SLC45A4: variants seen among roughly 807,000 people sequenced by gnomAD.
SLC45A4 encodes polyamine-transporter SLC45A4.
Under a neutral mutation model 63.7 loss-of-function variants are expected in SLC45A4, and 32 were observed. The ratio of observed to expected loss-of-function variants is 0.50; its 90% CI spans 0.38 to 0.67. The LOEUF is 0.67. SLC45A4 is among the 30% of genes least tolerant of loss of function. The probability of loss-of-function intolerance (pLI) is 0.00; values close to 1 mark genes in which losing one functional copy is unlikely to be tolerated. For missense variants in SLC45A4, 1,027 were observed against 1,157.7 expected (o/e 0.89, Z 1.64); for synonymous variants, 535 against 510.0 (o/e 1.05, Z -0.66).
intron 1 of SLC45A4, among the ~76,000 whole-genome samples, chr8:141,277,978 G>C (rs1829795231): frequency 1.3e-5 from 2 of 152,302 alleles, no homozygotes; most frequent in South Asian, 4.1e-4. Flanking sequence ...TGCAATCATA[G>C]CTCACTGGTG....
At chr8:141,249,343 GA>G (rs1221567621) in intron 2 of SLC45A4, among the ~76,000 whole-genome samples, 1 of 152,218 alleles carries the variant, frequency 6.6e-6, no homozygotes, top group African/African-American at 2.4e-5. Context: ...CCTGATGAAT[GA>G]AAACAAATGA....
intron 1 of SLC45A4, among the ~76,000 whole-genome samples, chr8:141,255,258 A>G (rs946789862): frequency 1.3e-5 from 2 of 149,228 alleles, no homozygotes; most frequent in African/African-American, 5.2e-5. Context: ...CACCCAGCTA[A>G]TTTTTCTAGG....
intron 1 of SLC45A4, among the ~76,000 whole-genome samples, chr8:141,289,562 GT>G (rs1235218107): frequency 6.6e-6 from 1 of 152,190 alleles, no homozygotes; most frequent in African/African-American, 2.4e-5. Context: ...GTATGACTGG[GT>G]TTTCCTTGGG....
Position 141,218,396 on chromosome 8 carries a change from C to T in SLC45A4, c.1244G>A (p.Arg415Gln), listed in dbSNP as rs1399293594. 5.6e-6 allele frequency: 9 copies of T among 1,608,906 alleles called. No individual in the cohort carries two copies. Among genetic ancestry groups the T allele is most frequent in the Admixed American group, 3.3e-5 (2 of 59,970 alleles). ...PSATSSSMRR[R>Q]RHAFRRQASS... is the part of the protein sequence containing the mutation. ...GGCCTGCCTGCGGAACGCGTGCCGC[C>T]GCCGCCGCATGGAGCTCGACGTGGC... Residue 415 changes from arginine to glutamine, a missense_variant, in exon 5 of 9, where the codon CGG (arginine) becomes CAG (glutamine). By Grantham distance (43) the Arg-to-Gln change is conservative. Coordinates refer to ENST00000517878, the MANE Select transcript of SLC45A4 (RefSeq NM_001286646.2).
rs750165409 is a variant in SLC45A4 at position 141,218,405 on chromosome 8, A to G, written c.1235T>C (p.Met412Thr). The G allele has an allele frequency of 6.2e-7, 1 of 1,610,300 alleles. No individual in the cohort carries two copies. The highest frequency in any genetic ancestry group is 1.1e-5 in the South Asian group (1 of 91,078). ...DTKPSATSSS[M>T]RRRRHAFRRQ... ...GCGGAACGCGTGCCGCCGCCGCCGCATGGAGCTCGACGTGGCCGAGGGCTT... is the reference window on the plus strand; with the variant it reads ...GCGGAACGCGTGCCGCCGCCGCCGCGTGGAGCTCGACGTGGCCGAGGGCTT... The change falls in exon 5 of 9, where the codon ATG (methionine) becomes ACG (threonine). Residue 412 changes from methionine to threonine, a missense_variant. Coordinates refer to ENST00000517878, the MANE Select transcript of SLC45A4 (RefSeq NM_001286646.2).
At chr8:141,237,169 G>A (rs957855870) in intron 2 of SLC45A4, among the ~76,000 whole-genome samples, 2 of 152,154 alleles carry the variant, frequency 1.3e-5, no homozygotes, top group East Asian at 3.8e-4. Flanking sequence ...AAAAACTACT[G>A]TTACTTTACC....
chr8:141,219,791 C>T lies in SLC45A4; in HGVS notation c.469G>A (p.Gly157Ser), dbSNP rs1479791677. 18 of 1,596,160 alleles carry T rather than the reference C, an allele frequency of 1.1e-5. No homozygotes were observed. Among genetic ancestry groups the T allele is most frequent in the Middle Eastern group, 1.7e-4 (1 of 6,036 alleles). ...LGDVPNRQPI[G>S]IVLTVLGVVV... ...ACTCCCAGCACCGTGAGCACGATGCCAATGGGCTGCCGGTTGGGGACATCG... is the reference window on the plus strand; with the variant it reads ...ACTCCCAGCACCGTGAGCACGATGCTAATGGGCTGCCGGTTGGGGACATCG... Residue 157 changes from glycine to serine, a missense_variant, in exon 4 of 9, where the codon GGC (glycine) becomes AGC (serine). Physicochemically the swap from Gly to Ser is moderately conservative, Grantham distance 56. Transcript: ENST00000517878.
chr8:141,278,583 G>A lies in SLC45A4; in HGVS notation c.-400-23954C>T, dbSNP rs1402605568. 2.0e-5 allele frequency among the ~76,000 whole-genome samples: 3 copies of A among 152,186 alleles called. No homozygotes were observed. Among genetic ancestry groups the A allele is most frequent in the African/African-American group, 2.4e-5 (1 of 41,422 alleles). On this transcript the variant is annotated intron_variant, in intron 1 of 8. Transcript: ENST00000517878. This position sits in a 1 kb window ranked among gnomAD's most constrained non-coding sequence, Gnocchi z 4.1. The stretch of plus-strand genomic sequence containing the variant: ...TGCAGTGGAGGTGGGGCGGGCAGCC[G>A]AAGGAGAGACAGGCCTCTGCCCCCT...
At position 141,212,285 on chromosome 8, in the gene SLC45A4, C is replaced by T; in HGVS notation, c.2213G>A (p.Gly738Asp). 6.2e-7 allele frequency: 1 copy of T among 1,606,274 alleles called. No individual in the cohort carries two copies. The highest frequency in any genetic ancestry group is 8.5e-7 in the Non-Finnish European group (1 of 1,175,094). ...KGLSSPLAGE[G>D]RAGGNSEKPT... ...CTTTTCGCTGTTCCCACCGGCCCTG[C>T]CTTCGCCGGCCAACGGGGAAGACAG... is the stretch of plus-strand genomic sequence containing the variant. Residue 738 changes from glycine to aspartate, a missense_variant, in exon 8 of 9, where the codon GGC (glycine) becomes GAC (aspartate). Physicochemically the swap from Gly to Asp is moderately conservative, Grantham distance 94. Coordinates refer to ENST00000517878, the MANE Select transcript of SLC45A4 (RefSeq NM_001286646.2).
intron 1 of SLC45A4, among the ~76,000 whole-genome samples, chr8:141,303,470 G>A (rs570799453): frequency 6.6e-6 from 1 of 152,004 alleles, no homozygotes; most frequent in Non-Finnish European, 1.5e-5. Context: ...TGCAATAAGG[G>A]TCATATATAA....
At chr8:141,222,670 G>A (rs1408168499) in intron 2 of SLC45A4, among the ~76,000 whole-genome samples, 1 of 152,248 alleles carries the variant, frequency 6.6e-6, no homozygotes, top group Non-Finnish European at 1.5e-5. Context: ...GCACGGGAAC[G>A]AGCGGCCGCC....
At chr8:141,217,252 T>C in intron 5 of SLC45A4, 63 bp from the exon 6 acceptor site, 2 of 1,540,924 alleles carry the variant, frequency 1.3e-6, no homozygotes, top group East Asian at 4.5e-5. Context: ...GCCAGGAGCG[T>C]ATTTCCCATG....
chr8:141,217,112 G>A lies in SLC45A4; in HGVS notation c.1707C>T (p.Ala569=), dbSNP rs144829418. The A allele has an allele frequency of 2.8e-4, 455 of 1,613,968 alleles. No homozygotes were observed. In the African/African-American group the frequency reaches 3.4e-3, roughly 12 times the overall value. Reference sequence around the variant, plus strand: ...TACCTGAACAAATAGCACCAGTGGCGGCATAAATGACCAGGCCCCAGCAGC... The same window carrying A: ...TACCTGAACAAATAGCACCAGTGGCAGCATAAATGACCAGGCCCCAGCAGC... ...KMGCWGLVIY[A]ATGAICSALL... Residue 569 remains alanine, a synonymous_variant, in exon 6 of 9, where the codon GCC becomes GCT. Transcript: ENST00000517878.
At chr8:141,231,829 G>A (rs1340098417) in intron 2 of SLC45A4, among the ~76,000 whole-genome samples, 2 of 152,198 alleles carry the variant, frequency 1.3e-5, no homozygotes, top group African/African-American at 2.4e-5. Context: ...CTGTGTGCGC[G>A]AAGGCCCAGT....
chr8:141,281,660 G>A (rs760491538), intron 1 of SLC45A4, among the ~76,000 whole-genome samples: 33 of 152,326 alleles, frequency 2.2e-4, no homozygotes, highest in Middle Eastern at 6.8e-3. Flanking sequence ...CACAGACTCA[G>A]CCTGAAAGAG....
chr8:141,299,184 G>A (rs1055589215), intron 1 of SLC45A4, among the ~76,000 whole-genome samples: 5 of 152,194 alleles, frequency 3.3e-5, no homozygotes, highest in African/African-American at 1.2e-4. Context: ...GTGGCTTCTG[G>A]AAGGTCACAA....
chr8:141,280,843 G>A (rs1218273422), intron 1 of SLC45A4, among the ~76,000 whole-genome samples: 2 of 152,234 alleles, frequency 1.3e-5, no homozygotes, highest in Admixed American at 6.5e-5. Flanking sequence ...GGCACCTCCC[G>A]AAGGACTGTC....
At chr8:141,269,383 T>C (rs1382386174) in intron 1 of SLC45A4, among the ~76,000 whole-genome samples, 1 of 152,198 alleles carries the variant, frequency 6.6e-6, no homozygotes, top group Non-Finnish European at 1.5e-5. Flanking sequence ...CTCCTTTCAA[T>C]TAGAGCTTGC....
intron 2 of SLC45A4, among the ~76,000 whole-genome samples, chr8:141,237,434 T>C (rs1336770100): frequency 6.6e-6 from 1 of 152,174 alleles, no homozygotes; most frequent in Non-Finnish European, 1.5e-5. Context: ...AGTGACCCCT[T>C]GCAACTTGGG....
Sources: gnomAD v4.1 joint callset for allele counts (sites outside exome capture counted in the v4.1 genomes callset) on GRCh38, gnomAD v4.1.1 for gene constraint, Gnocchi (gnomAD v3.1) non-coding constraint, MANE v1.5 for transcripts, NCBI Gene and HGNC (gene_info 2026-07-23, HGNC 2026-07-21) for gene names.